Variants in CNTLN observed in about 807,000 individuals in gnomAD.
The protein encoded by CNTLN is centlein, centrosomal protein.
In CNTLN, 212 loss-of-function variants were observed where a neutral mutation model predicts 180.0. The ratio of observed to expected loss-of-function variants is 1.18; its 90% CI spans 1.05 to 1.32. The LOEUF (loss-of-function observed/expected upper bound fraction) is 1.32, where lower values mean the gene tolerates loss of function less well. Among genes scored for constraint, CNTLN ranks in the 40% most tolerant of loss-of-function variants. CNTLN has a pLI of 0.00. For missense variants in CNTLN, 2,095 were observed against 1,610.9 expected (o/e 1.30, Z -5.14); for synonymous variants, 722 against 563.1 (o/e 1.28, Z -3.99).
intron 7 of CNTLN, among the ~76,000 whole-genome samples, chr9:17,305,790 A>C (rs970512039): frequency 2.6e-5 from 4 of 152,212 alleles, no homozygotes; most frequent in Non-Finnish European, 5.9e-5. Context: ...CTGTACTCTA[A>C]GTTCACAACT....
chr9:17,260,407 A>G (rs569005610), intron 5 of CNTLN, among the ~76,000 whole-genome samples: 4 of 151,250 alleles, frequency 2.6e-5, no homozygotes, highest in African/African-American at 9.8e-5. Context: ...TATGTGGCCA[A>G]TTTTGGAATA....
chr9:17,154,495 T>C (rs1819119434), intron 2 of CNTLN, among the ~76,000 whole-genome samples: 1 of 152,232 alleles, frequency 6.6e-6, no homozygotes, highest in Non-Finnish European at 1.5e-5. Context: ...GATTGCTGCC[T>C]GTTCTTTCCT....
intron 13 of CNTLN, among the ~76,000 whole-genome samples, chr9:17,384,141 G>T (rs1825490880): frequency 6.6e-6 from 1 of 152,100 alleles, no homozygotes; most frequent in Non-Finnish European, 1.5e-5. Flanking sequence ...TTTCAAGCTA[G>T]CTAGAGGAAT....
chr9:17,493,018 A>T (rs1833252835), intron 25 of CNTLN, among the ~76,000 whole-genome samples: 1 of 152,128 alleles, frequency 6.6e-6, no homozygotes, highest in South Asian at 2.1e-4. Context: ...CTTATTTGAG[A>T]TTAGTTAAGT....
At chr9:17,442,699 A>G (rs1443918412) in intron 18 of CNTLN, among the ~76,000 whole-genome samples, 3 of 152,154 alleles carry the variant, frequency 2.0e-5, no homozygotes, top group African/African-American at 7.2e-5. Flanking sequence ...ATGCCCAGCT[A>G]AACCAAACAC....
intron 18 of CNTLN, among the ~76,000 whole-genome samples, chr9:17,425,896 A>G (rs1829049430): frequency 6.6e-6 from 1 of 152,184 alleles, no homozygotes; most frequent in African/African-American, 2.4e-5. Flanking sequence ...AGAGAGATAA[A>G]CTGAACAGAA....
intron 2 of CNTLN, among the ~76,000 whole-genome samples, chr9:17,221,677 T>C (rs1453902600): frequency 6.6e-6 from 1 of 152,114 alleles, no homozygotes; most frequent in Non-Finnish European, 1.5e-5. Flanking sequence ...TGACCACTAA[T>C]TTTAAGTGGC....
intron 18 of CNTLN, among the ~76,000 whole-genome samples, chr9:17,436,789 A>G (rs1363769302): frequency 1.3e-5 from 2 of 152,232 alleles, no homozygotes; most frequent in African/African-American, 4.8e-5. Flanking sequence ...AGAATTTTAA[A>G]TAGCCTCATT....
At chr9:17,360,812 T>C (rs1364303877) in intron 12 of CNTLN, among the ~76,000 whole-genome samples, 1 of 152,260 alleles carries the variant, frequency 6.6e-6, no homozygotes, top group Non-Finnish European at 1.5e-5. Flanking sequence ...CTTTTAGCTT[T>C]ACTGAGAATT....
At chr9:17,175,366 A>C (rs1820656734) in intron 2 of CNTLN, among the ~76,000 whole-genome samples, 1 of 151,978 alleles carries the variant, frequency 6.6e-6, no homozygotes, top group Non-Finnish European at 1.5e-5. Flanking sequence ...TTGCCTGTGG[A>C]TGTCTAATTC....
intron 3 of CNTLN, among the ~76,000 whole-genome samples, chr9:17,232,051 T>C (rs1824848321): frequency 6.6e-6 from 1 of 152,106 alleles, no homozygotes; most frequent in Non-Finnish European, 1.5e-5. Context: ...CCTGCCTCTA[T>C]TCAGAAAGAT....
chr9:17,316,057 TTTAA>T (rs1819521951), intron 8 of CNTLN, among the ~76,000 whole-genome samples: 1 of 151,994 alleles, frequency 6.6e-6, no homozygotes, highest in Non-Finnish European at 1.5e-5. Flanking sequence ...ATCATTATTG[TTTAA>T]TTGTCTTTTT....
Position 17,340,881 on chromosome 9 carries a change from C to T in CNTLN, c.1699C>T (p.Gln567Ter), listed in dbSNP as rs1483773280. 6.2e-7 allele frequency: 1 copy of T among 1,612,282 alleles called. No homozygotes were observed. Among genetic ancestry groups the T allele is most frequent in the Non-Finnish European group, 8.5e-7 (1 of 1,179,000 alleles). The change falls in exon 11 of 26, where the codon CAG becomes TAG. Residue 567 changes from glutamine to a stop codon, truncating the protein, a stop_gained. Coordinates refer to ENST00000380647, the MANE Select transcript of CNTLN (RefSeq NM_017738.4). LOFTEE classifies it high-confidence loss of function. ...CCATGAAAAACGCAAGGAACGGCTA[C>T]AGATGTTACAGACCAACTACAGAGC... ...DAHEKRKERL[Q>*]MLQTNYRAVK...
chr9:17,517,124 GCT>G, the CNTLN span, among the ~76,000 whole-genome samples: 1 of 152,088 alleles, frequency 6.6e-6, no homozygotes, highest in East Asian at 1.9e-4. Context: ...GGGCGCGGTG[GCT>G]CACGCCTGTA....
intron 12 of CNTLN, among the ~76,000 whole-genome samples, chr9:17,365,670 G>A (rs1564032684): frequency 6.6e-6 from 1 of 152,296 alleles, no homozygotes; most frequent in African/African-American, 2.4e-5. Context: ...TTAGGATGTG[G>A]TTGAGCATGG....
intron 5 of CNTLN, among the ~76,000 whole-genome samples, chr9:17,272,261 G>C (rs979530222): frequency 2.0e-5 from 3 of 151,960 alleles, no homozygotes; most frequent in African/African-American, 7.3e-5. Flanking sequence ...ATTTTTAGTA[G>C]AGGCGGGGTT....
chr9:17,527,300 C>G, the CNTLN span, among the ~76,000 whole-genome samples: 1 of 152,138 alleles, frequency 6.6e-6, no homozygotes. Flanking sequence ...TTGTTCATAC[C>G]CTGCACAGCC....
At chr9:17,198,573 A>G (rs1438117865) in intron 2 of CNTLN, among the ~76,000 whole-genome samples, 1 of 142,878 alleles carries the variant, frequency 7.0e-6, no homozygotes, top group Non-Finnish European at 1.5e-5. Context: ...CTGTTGGCAT[A>G]TAGAAATGCT....
At chr9:17,459,009 T>G (rs139072218) in intron 19 of CNTLN, among the ~76,000 whole-genome samples, 101 of 151,934 alleles carry the variant, frequency 6.6e-4, no homozygotes, top group African/African-American at 2.2e-3. Flanking sequence ...ACATAGACTT[T>G]AATTCTTACT....
Sources: allele counts gnomAD v4.1 joint callset (sites outside exome capture counted in the v4.1 genomes callset), GRCh38; gene constraint gnomAD v4.1.1; transcripts MANE v1.5; gene names NCBI Gene and HGNC (gene_info 2026-07-23, HGNC 2026-07-21).